The following MYO5A variants were observed in gnomAD, a reference collection of about 807,000 sequenced individuals.
MYO5A encodes unconventional myosin-Va.
Under a neutral mutation model 249.7 loss-of-function variants are expected in MYO5A, and 98 were observed. The ratio of observed to expected loss-of-function variants is 0.39; its 90% confidence interval spans 0.33 to 0.46. The LOEUF is 0.46. MYO5A is among the 20% of genes least tolerant of loss of function. The pLI, the probability that MYO5A is intolerant of heterozygous loss-of-function variation, is 0.98. For missense variants in MYO5A, 1,696 were observed against 2,308.8 expected, an observed-to-expected ratio of 0.73 and a Z score of 5.44; for synonymous variants, 778 against 810.6, an observed-to-expected ratio of 0.96 and a Z score of 0.68.
At position 52,481,873 on chromosome 15, in the gene MYO5A, G is replaced by A. The variant is rs545302327; in HGVS notation, c.27+46907C>T. On this transcript the variant is annotated intron_variant, in intron 1 of 41. Coordinates refer to ENST00000399233, the MANE Select transcript of MYO5A (RefSeq NM_001382347.1). ...AAGAATTGGCTAGAGCTTTCATGAA[G>A]GAAAAGGTATAAGTATGTGGTTATG... 7.2e-5 allele frequency among the ~76,000 whole-genome samples: 11 copies of A among 152,322 alleles called. No homozygotes were observed. In the East Asian group the frequency reaches 1.9e-3, roughly 27 times the overall value.
At chr15:52,388,326 G>C (rs926104652) in intron 13 of MYO5A, among the ~76,000 whole-genome samples, 1 of 152,230 alleles carries the variant, frequency 6.6e-6, no homozygotes, top group Admixed American at 6.5e-5. Flanking sequence ...ACAAATGAGT[G>C]TCTGATGGGG....
chr15:52,329,732 C>T (rs2038781930), intron 35 of MYO5A, among the ~76,000 whole-genome samples: 1 of 151,942 alleles, frequency 6.6e-6, no homozygotes, highest in Non-Finnish European at 1.5e-5. Flanking sequence ...CTTGAGAATC[C>T]CTTAAGAAGC....
At chr15:52,507,590 G>A (rs959631717) in intron 1 of MYO5A, among the ~76,000 whole-genome samples, 1 of 152,098 alleles carries the variant, frequency 6.6e-6, no homozygotes, top group African/African-American at 2.4e-5. Context: ...GGCCAAGGCA[G>A]GAGGATCACT....
chr15:52,505,905 A>AT (rs2077259018), intron 1 of MYO5A: 1 of 1,531,540 alleles, frequency 6.5e-7, no homozygotes, highest in Non-Finnish European at 8.7e-7. Context: ...AGCTTGAAAG[A>AT]TTAAAAAAAA....
chr15:52,323,619 C>A, intron 36 of MYO5A, 175 bp from the exon 37 acceptor site: 1 of 557,662 alleles, frequency 1.8e-6, no homozygotes, highest in South Asian at 1.9e-5. Context: ...TGTCAGCGAC[C>A]AGGTTCATCA....
At chr15:52,421,554 G>C (rs1004276060) in intron 4 of MYO5A, among the ~76,000 whole-genome samples, 1 of 152,164 alleles carries the variant, frequency 6.6e-6, no homozygotes, top group African/African-American at 2.4e-5. Flanking sequence ...AGGTTAAAAG[G>C]CTTGTCCAAG....
chr15:52,367,912 C>CACAT (rs1010310526), intron 22 of MYO5A, among the ~76,000 whole-genome samples: 2 of 135,274 alleles, frequency 1.5e-5, no homozygotes, highest in African/African-American at 5.2e-5. Flanking sequence ...CACACACACA[C>CACAT]ACAAGTTGAC....
At chr15:52,389,060 A>G (rs1309968434) in intron 13 of MYO5A, among the ~76,000 whole-genome samples, 178 bp downstream of exon 13, 1 of 152,176 alleles carries the variant, frequency 6.6e-6, no homozygotes, top group Non-Finnish European at 1.5e-5. Flanking sequence ...TTATTTCACA[A>G]ATAACTCAAT....
At chr15:52,487,587 G>A (rs1312194919) in intron 1 of MYO5A, among the ~76,000 whole-genome samples, 1 of 151,852 alleles carries the variant, frequency 6.6e-6, no homozygotes, top group East Asian at 1.9e-4. Context: ...AGCCGAGCAT[G>A]GTGACAGGTG....
intron 6 of MYO5A, 118 bp from the exon 7 acceptor site, chr15:52,408,258 C>T: frequency 1.5e-6 from 1 of 659,482 alleles, no homozygotes; most frequent in Admixed American, 2.5e-5. Flanking sequence ...TTATACTTTC[C>T]TATATTTCCT....
intron 29 of MYO5A, 165 bp from the exon 30 acceptor site, chr15:52,346,626 G>A: frequency 1.4e-6 from 1 of 693,460 alleles, no homozygotes; most frequent in Non-Finnish European, 2.6e-6. Flanking sequence ...AGGGGAGTTT[G>A]GCCCAGGTAG....
intron 16 of MYO5A, 64 bp from the exon 17 acceptor site, chr15:52,379,972 C>T (rs529398260): frequency 5.9e-6 from 9 of 1,528,290 alleles, no homozygotes; most frequent in East Asian, 2.3e-5. Flanking sequence ...AAATTACTCT[C>T]CTCAGTCAGG....
At chr15:52,449,317 T>A (rs910113800) in intron 1 of MYO5A, among the ~76,000 whole-genome samples, 2 of 152,064 alleles carry the variant, frequency 1.3e-5, no homozygotes, top group East Asian at 3.9e-4. Context: ...ATACAGAATG[T>A]TACAAATCTT....
intron 1 of MYO5A, among the ~76,000 whole-genome samples, chr15:52,434,238 C>G (rs2075611318): frequency 6.6e-6 from 1 of 151,370 alleles, no homozygotes; most frequent in South Asian, 2.1e-4. Context: ...GACCTCGTGA[C>G]CCACCTGCCT....
rs2040855651 is a variant in MYO5A, at chr15:52,367,216, T to C, written c.3067-92A>G. The C allele has an allele frequency of 1.4e-5, 15 of 1,070,808 alleles. No homozygotes were observed. The South Asian group carries it at 1.8e-4, about 13-fold the overall frequency. 66.3% of individuals were successfully genotyped at this position (1,070,808 alleles called of 1,614,324 possible). A position where few individuals can be genotyped will look rare whatever the true frequency, so the allele number is the denominator to read the frequency against. On this transcript the variant is annotated intron_variant, in intron 22 of 41. Coordinates refer to ENST00000399233, the MANE Select transcript of MYO5A (RefSeq NM_001382347.1). ...AGACCATAAGCAGTCATTCCTTACTTCCACCACCTCTGTGCTCCCTGTCTT... is the reference window on the plus strand; with the variant it reads ...AGACCATAAGCAGTCATTCCTTACTCCCACCACCTCTGTGCTCCCTGTCTT...
intron 1 of MYO5A, among the ~76,000 whole-genome samples, chr15:52,434,363 A>G (rs1425144951): frequency 6.6e-6 from 1 of 152,138 alleles, no homozygotes; most frequent in Non-Finnish European, 1.5e-5. Flanking sequence ...GATTTCTCAG[A>G]CATCCTTCAG....
intron 4 of MYO5A, among the ~76,000 whole-genome samples, chr15:52,418,307 A>G (rs189442963): frequency 6.6e-6 from 1 of 152,302 alleles, no homozygotes; most frequent in Non-Finnish European, 1.5e-5. Flanking sequence ...GTCTAATGTG[A>G]ACTAAAAGCC....
intron 5 of MYO5A, among the ~76,000 whole-genome samples, chr15:52,413,091 G>C (rs1163446563): frequency 6.7e-6 from 1 of 148,590 alleles, no homozygotes; most frequent in Non-Finnish European, 1.5e-5. Context: ...AGGCTGCAGT[G>C]AGCTGAGATC....
At chr15:52,323,766 G>C (rs2038444182) in intron 36 of MYO5A, 1 of 325,242 alleles carries the variant, frequency 3.1e-6, no homozygotes, top group African/African-American at 2.2e-5. Context: ...CACTTTGGGA[G>C]GCCGAGGCAG....
Sources: gnomAD v4.1 joint callset for allele counts (sites outside exome capture counted in the v4.1 genomes callset) on GRCh38, gnomAD v4.1.1 for gene constraint, MANE v1.5 for transcripts, NCBI Gene and HGNC (gene_info 2026-07-23, HGNC 2026-07-21) for gene names.